Variants in UNC13B observed in about 807,000 individuals in gnomAD.
UNC13B encodes unc-13 homolog B.
UNC13B carries 144 observed loss-of-function variants against 211.0 expected under a neutral mutation model. The observed-to-expected ratio is 0.68, with a 90% CI of 0.60 to 0.78. The LOEUF (loss-of-function observed/expected upper bound fraction) is 0.78. Ranked by LOEUF, UNC13B falls within the 30% of genes least tolerant of loss-of-function variation. The probability of loss-of-function intolerance (pLI) is 0.00; values close to 1 mark genes in which losing one functional copy is unlikely to be tolerated. For missense variants in UNC13B, 1,777 were observed against 2,002.0 expected (o/e 0.89, Z 2.14); for synonymous variants, 709 against 725.8 (o/e 0.98, Z 0.37).
At position 35,398,575 on chromosome 9, in the gene UNC13B, A is replaced by G; in HGVS notation, c.11854A>G (p.Ser3952Gly). 1 of 1,614,020 alleles carries G rather than the reference A, an allele frequency of 6.2e-7. No individual in the cohort carries two copies. Among genetic ancestry groups the G allele is most frequent in the Admixed American group, 1.7e-5 (1 of 60,022 alleles). Reference sequence around the variant, plus strand: ...ACAGCTGGACCTTGAAGCTGCAGACAGTCTGAAGGAGCTGCAGGTGAAACT... The same window carrying G: ...ACAGCTGGACCTTGAAGCTGCAGACGGTCTGAAGGAGCTGCAGGTGAAACT... Reference protein sequence around the residue: ...GKELDLEAADSLKELQVKLNT... With the variant: ...GKELDLEAADGLKELQVKLNT... Residue 3952 changes from serine to glycine, a missense_variant, in exon 32 of 40, where the codon AGT (serine) becomes GGT (glycine). Coordinates refer to ENST00000635942, the MANE Select transcript of UNC13B (RefSeq NM_001371189.2).
At chr9:35,224,455 A>G (rs954421290) in intron 1 of UNC13B, among the ~76,000 whole-genome samples, 1 of 152,146 alleles carries the variant, frequency 6.6e-6, no homozygotes, top group South Asian at 2.1e-4. Flanking sequence ...GTTTATTATT[A>G]CTGATTTTTG....
At chr9:35,234,479 C>T (rs1219875964) in intron 3 of UNC13B, among the ~76,000 whole-genome samples, 1 of 152,164 alleles carries the variant, frequency 6.6e-6, no homozygotes, top group Non-Finnish European at 1.5e-5. Flanking sequence ...TTGAGGATGT[C>T]ACATATCTTT....
Position 35,308,409 on chromosome 9 carries a change from A to G in UNC13B, c.9005A>G (p.Lys3002Arg), listed in dbSNP as rs978626394. ...GACATCAAGGAGCCCATGACCAACAAAAGGCCTGTTCTTAACTCAAGCATC... is the reference window on the plus strand; with the variant it reads ...GACATCAAGGAGCCCATGACCAACAGAAGGCCTGTTCTTAACTCAAGCATC... ...LNDIKEPMTNKSPTSSSRYGS... is the reference protein window; with the variant it reads ...LNDIKEPMTNRSPTSSSRYGS... Residue 3002 changes from lysine to arginine, a missense_variant, in exon 9 of 40, where the codon AAA becomes AGA. Transcript: ENST00000635942. The G allele has an allele frequency of 2.8e-5, 11 of 398,780 alleles. No homozygotes were observed. Among genetic ancestry groups the G allele is most frequent in the Non-Finnish European group, 4.4e-5 (10 of 226,026 alleles). 24.7% of individuals were successfully genotyped at this position (398,780 alleles called of 1,614,324 possible). A position where few individuals can be genotyped will look rare whatever the true frequency, so the allele number is the denominator to read the frequency against.
At chr9:35,253,618 T>C (rs1195084989) in intron 6 of UNC13B, among the ~76,000 whole-genome samples, 1 of 152,226 alleles carries the variant, frequency 6.6e-6, no homozygotes, top group Admixed American at 6.5e-5. Flanking sequence ...GTGTAACGTT[T>C]CCCATACACC....
chr9:35,343,498 G>A (rs1832150382), intron 11 of UNC13B, among the ~76,000 whole-genome samples: 3 of 152,274 alleles, frequency 2.0e-5, no homozygotes, highest in Middle Eastern at 3.4e-3. Context: ...AGGGTCAGGT[G>A]GAGAGGGAGA....
chr9:35,316,049 C>G (rs983062281), intron 11 of UNC13B, among the ~76,000 whole-genome samples: 3 of 152,144 alleles, frequency 2.0e-5, no homozygotes, highest in Admixed American at 2.0e-4. Context: ...ACCATTTCTT[C>G]CCTCTGTAAT....
intron 11 of UNC13B, among the ~76,000 whole-genome samples, chr9:35,329,685 C>A (rs963575717): frequency 6.6e-6 from 1 of 151,998 alleles, no homozygotes; most frequent in African/African-American, 2.4e-5. Flanking sequence ...GATGGGGTTT[C>A]TCTATGTTGC....
At chr9:35,288,117 T>G (rs1016534113) in intron 7 of UNC13B, among the ~76,000 whole-genome samples, 2 of 152,200 alleles carry the variant, frequency 1.3e-5, no homozygotes, top group Admixed American at 6.5e-5. Flanking sequence ...ACTCTGCCAC[T>G]TCCCTAGTCC....
At position 35,390,658 on chromosome 9, in the gene UNC13B, T is replaced by G; in HGVS notation, c.11252T>G (p.Val3751Gly). ...QFPQELNVGKVSAEVMWHLFA... is the reference protein window; with the variant it reads ...QFPQELNVGKGSAEVMWHLFA... Reference sequence around the variant, plus strand: ...CCTCAGGAGTTGAATGTGGGAAAAGTCAGCGCAGAAGTGATGTGGCATTTG... The same window carrying G: ...CCTCAGGAGTTGAATGTGGGAAAAGGCAGCGCAGAAGTGATGTGGCATTTG... Residue 3751 changes from valine (V) to glycine (G), a missense_variant, in exon 26 of 40, where the codon GTC (valine) becomes GGC (glycine). Coordinates refer to ENST00000635942, the MANE Select transcript of UNC13B (RefSeq NM_001371189.2). 6.2e-7 allele frequency: 1 copy of G among 1,614,138 alleles called. No homozygotes were observed. Among genetic ancestry groups the G allele is most frequent in the Non-Finnish European group, 8.5e-7 (1 of 1,180,014 alleles).
At chr9:35,261,965 T>C (rs1827299482) in intron 7 of UNC13B, among the ~76,000 whole-genome samples, 1 of 152,206 alleles carries the variant, frequency 6.6e-6, no homozygotes, top group South Asian at 2.1e-4. Context: ...ATTCTTTTTT[T>C]TTATGGATAA....
Position 35,399,422 on chromosome 9 carries a change from G to A in UNC13B, c.12229G>A (p.Glu4077Lys), listed in dbSNP as rs1386875385. Residue 4077 changes from glutamate to lysine, a missense_variant, in exon 35 of 40, where the codon GAG becomes AAG. Glu to Lys is a moderately conservative substitution (Grantham distance 56). Coordinates refer to ENST00000635942, the MANE Select transcript of UNC13B (RefSeq NM_001371189.2). The stretch of plus-strand genomic sequence containing the variant: ...CCAGCTGATCTTCACTGCTGCCAAG[G>A]AGCTGAGCCATCTTTCCAAACTCAA... ...GTQLIFTAAK[E>K]LSHLSKLKDH... is the part of the protein sequence containing the mutation. 1 of 1,614,070 alleles carries A rather than the reference G, an allele frequency of 6.2e-7. No individual in the cohort carries two copies. The highest frequency in any genetic ancestry group is 2.2e-5 in the East Asian group (1 of 44,882).
At chr9:35,186,365 C>G (rs1822359333) in intron 1 of UNC13B, among the ~76,000 whole-genome samples, 1 of 152,136 alleles carries the variant, frequency 6.6e-6, no homozygotes, top group African/African-American at 2.4e-5. Context: ...GGCTTAACTT[C>G]CAACCATTTG....
intron 11 of UNC13B, among the ~76,000 whole-genome samples, chr9:35,354,540 A>T (rs1203519120): frequency 6.6e-6 from 1 of 152,190 alleles, no homozygotes; most frequent in Non-Finnish European, 1.5e-5. Flanking sequence ...GGCAAATGGA[A>T]TGTTTTTTGA....
At chr9:35,240,318 T>C (rs1302421982) in intron 5 of UNC13B, among the ~76,000 whole-genome samples, 1 of 152,250 alleles carries the variant, frequency 6.6e-6, no homozygotes, top group Non-Finnish European at 1.5e-5. Context: ...TATTGATATT[T>C]GCATATTCTA....
chr9:35,164,241 T>C (rs1820921547), intron 1 of UNC13B, among the ~76,000 whole-genome samples: 1 of 152,198 alleles, frequency 6.6e-6, no homozygotes, highest in East Asian at 1.9e-4. Flanking sequence ...GGTCTTGAAC[T>C]TCTGACCTCA....
intron 11 of UNC13B, among the ~76,000 whole-genome samples, chr9:35,348,354 G>A (rs998414740): frequency 2.6e-5 from 4 of 152,250 alleles, no homozygotes; most frequent in Non-Finnish European, 5.9e-5. Context: ...CGTTCAGGCT[G>A]TCTGAGAGAC....
intron 25 of UNC13B, 54 bp from the exon 26 acceptor site, chr9:35,390,575 C>T (rs1038277055): frequency 6.3e-6 from 10 of 1,587,204 alleles, no homozygotes; most frequent in Admixed American, 3.4e-5. Context: ...TGAAATGAAT[C>T]AAATCAAATG....
intron 11 of UNC13B, among the ~76,000 whole-genome samples, chr9:35,317,518 C>CTTT (rs748345363): frequency 6.1e-5 from 6 of 97,644 alleles, no homozygotes; most frequent in African/African-American, 1.3e-4. Context: ...GCTAAAGAAG[C>CTTT]TTTTTTTTTT....
intron 11 of UNC13B, chr9:35,352,068 T>C: frequency 8.1e-7 from 1 of 1,232,216 alleles, no homozygotes; most frequent in Non-Finnish European, 1.0e-6. Flanking sequence ...TCTAGCTGTG[T>C]AGACTCAGTA....
Sources: allele counts gnomAD v4.1 joint callset (sites outside exome capture counted in the v4.1 genomes callset), GRCh38; gene constraint gnomAD v4.1.1; transcripts MANE v1.5; gene names NCBI Gene and HGNC (gene_info 2026-07-23, HGNC 2026-07-21).